Variants in WASF2 observed in about 807,000 individuals in gnomAD.
The protein encoded by WASF2 is actin-binding protein WASF2.
A neutral mutation model predicts 45.0 loss-of-function variants in WASF2; 14 were observed. The observed-to-expected ratio is 0.31, with a 90% CI of 0.21 to 0.49. WASF2 has a LOEUF of 0.49. Ranked by LOEUF, WASF2 falls within the 20% of genes least tolerant of loss-of-function variation. The probability of loss-of-function intolerance (pLI) is 0.99; values close to 1 mark genes in which losing one functional copy is unlikely to be tolerated. For synonymous variants in WASF2, 200 were observed against 236.3 expected, an observed-to-expected ratio of 0.85 and a Z score of 1.41; for missense variants, 439 against 636.1, an observed-to-expected ratio of 0.69 and a Z score of 3.33.
rs774498937 is a variant in WASF2 at position 27,410,152 on chromosome 1, A to G, written c.879T>C (p.Ser293=). Residue 293 remains serine (S), a synonymous_variant, in exon 8 of 9, where the codon AGT becomes AGC. Coordinates refer to ENST00000618852, the MANE Select transcript of WASF2 (RefSeq NM_006990.5). The surrounding 1 kb of genome is among the most constrained non-coding windows in gnomAD (Gnocchi z 4.2). ...GTGGTGGATGGCTTGGGCTGACCAC[A>G]CTGGATCTTTTGGGTCCAGCCAAAC... ...GSGLAGPKRS[S]VVSPSHPPPA... 1 of 1,614,062 alleles carries G rather than the reference A, an allele frequency of 6.2e-7. No individual in the cohort carries two copies. The highest frequency in any genetic ancestry group is 1.1e-5 in the South Asian group (1 of 91,064).
At chr1:27,422,496 G>A (rs543539209) in intron 2 of WASF2, among the ~76,000 whole-genome samples, 14 of 151,912 alleles carry the variant, frequency 9.2e-5, no homozygotes, top group African/African-American at 2.4e-4. Flanking sequence ...GTGGGCGCCT[G>A]TAGTCCCAGC....
intron 1 of WASF2, among the ~76,000 whole-genome samples, chr1:27,489,734 G>C (rs1284574525): frequency 6.6e-6 from 1 of 152,202 alleles, no homozygotes; most frequent in East Asian, 1.9e-4. Flanking sequence ...GGTCAGGCCG[G>C]GACACTCATA....
At chr1:27,434,830 C>T (rs1435477327) in intron 1 of WASF2, among the ~76,000 whole-genome samples, 1 of 152,164 alleles carries the variant, frequency 6.6e-6, no homozygotes, top group African/African-American at 2.4e-5. Flanking sequence ...CCTGGCAGTA[C>T]CAGTCTGGAC....
Position 27,445,894 on chromosome 1 carries a change from A to C in WASF2, c.-43-16961T>G, listed in dbSNP as rs189433047. On this transcript the variant is annotated intron_variant, in intron 1 of 8. Coordinates refer to ENST00000618852, the MANE Select transcript of WASF2 (RefSeq NM_006990.5). ...TTCCATCTTCTTTTACAATGAACTA[A>C]AACACTCCTATGGGTAATTCTTAAT... 7.9e-5 allele frequency among the ~76,000 whole-genome samples: 12 copies of C among 151,926 alleles called. No individual in the cohort carries two copies. The East Asian group carries it at 2.1e-3, about 27-fold the overall frequency.
intron 1 of WASF2, among the ~76,000 whole-genome samples, chr1:27,478,055 C>G (rs2148142655): frequency 6.6e-6 from 1 of 150,424 alleles, no homozygotes; most frequent in South Asian, 2.1e-4. Context: ...AGTTCAAGAC[C>G]AACCTGACCA....
chr1:27,468,839 G>C (rs898600260), intron 1 of WASF2, among the ~76,000 whole-genome samples: 5 of 149,972 alleles, frequency 3.3e-5, no homozygotes, highest in African/African-American at 1.2e-4. Context: ...AATTAGCTGG[G>C]TGCCGTGGTG....
chr1:27,438,002 A>C (rs1260006771), intron 1 of WASF2, among the ~76,000 whole-genome samples: 2 of 152,240 alleles, frequency 1.3e-5, no homozygotes, highest in Non-Finnish European at 2.9e-5. Flanking sequence ...CTTCATATTT[A>C]AACGATTCTT....
chr1:27,421,496 G>A (rs1200422577), intron 2 of WASF2, among the ~76,000 whole-genome samples: 2 of 151,996 alleles, frequency 1.3e-5, no homozygotes, highest in Non-Finnish European at 2.9e-5. Flanking sequence ...TGGGCAATAT[G>A]GCAAAACCCT....
intron 7 of WASF2, among the ~76,000 whole-genome samples, chr1:27,412,350 G>A (rs1046606821): frequency 1.3e-5 from 2 of 152,200 alleles, no homozygotes; most frequent in Admixed American, 1.3e-4. Context: ...GGGACCACAG[G>A]CGTTTGCCAC....
chr1:27,458,308 TAAAAAAA>T (rs71010355), intron 1 of WASF2, among the ~76,000 whole-genome samples: 1 of 29,406 alleles, frequency 3.4e-5, no homozygotes, highest in Non-Finnish European at 6.2e-5. Context: ...GCGAGATTCT[TAAAAAAA>T]AAAAAAAAAA....
intron 1 of WASF2, among the ~76,000 whole-genome samples, chr1:27,482,933 C>T (rs2017872227): frequency 6.6e-6 from 1 of 152,172 alleles, no homozygotes; most frequent in East Asian, 1.9e-4. Flanking sequence ...TTCTGGTTAT[C>T]ACAACTGGGG....
chr1:27,418,493 GGAGAGGCCT>G (rs1162808991), intron 3 of WASF2, 71 bp from the exon 4 acceptor site: 1 of 1,595,926 alleles, frequency 6.3e-7, no homozygotes, highest in African/African-American at 1.3e-5. Flanking sequence ...CACACCAGTC[GGAGAGGCCT>G]CAGCTGCTGC....
intron 6 of WASF2, among the ~76,000 whole-genome samples, chr1:27,413,226 G>C (rs2016788215): frequency 6.6e-6 from 1 of 152,162 alleles, no homozygotes. Context: ...GATGAATGCA[G>C]GGTGCTATGT....
chr1:27,463,810 T>A (rs908268624), intron 1 of WASF2, among the ~76,000 whole-genome samples: 20 of 149,986 alleles, frequency 1.3e-4, no homozygotes, highest in African/African-American at 4.6e-4. Flanking sequence ...TATTATTTTT[T>A]TTTTTTTTTG....
At chr1:27,432,006 T>C (rs1484706434) in intron 1 of WASF2, among the ~76,000 whole-genome samples, 1 of 152,250 alleles carries the variant, frequency 6.6e-6, no homozygotes, top group Non-Finnish European at 1.5e-5. Context: ...ACAAAATTCC[T>C]TGTATGTGAA....
In WASF2 at chr1:27,419,052, G is replaced by C. The variant is rs763354049; in HGVS notation, c.167C>G (p.Thr56Ser). ...CCGAGAGGCAAAGGTATTTGCCTGA[G>C]TAAAGAGCTCTCCAAAAATGTCCTC... Reference protein sequence around the residue: ...YAEDIFGELFTQANTFASRVS... With the variant: ...YAEDIFGELFSQANTFASRVS... Residue 56 changes from threonine (T) to serine (S), a missense_variant, in exon 3 of 9, where the codon ACT (threonine) becomes AGT (serine). This residue lies in a region of WASF2 where 98 missense variants were observed against 120.7 expected (regional missense o/e 0.81). Coordinates refer to ENST00000618852, the MANE Select transcript of WASF2 (RefSeq NM_006990.5). The C allele has an allele frequency of 1.9e-6, 3 of 1,614,074 alleles. No individual in the cohort carries two copies. The highest frequency in any genetic ancestry group is 2.2e-5 in the South Asian group (2 of 91,080).
At chr1:27,465,561 CA>C (rs1335574759) in intron 1 of WASF2, among the ~76,000 whole-genome samples, 2 of 152,094 alleles carry the variant, frequency 1.3e-5, no homozygotes, top group Non-Finnish European at 2.9e-5. Context: ...CATGATGACC[CA>C]CAAAACCTAT....
At chr1:27,482,294 C>G (rs1420833855) in intron 1 of WASF2, among the ~76,000 whole-genome samples, 6 of 152,192 alleles carry the variant, frequency 3.9e-5, no homozygotes, top group Non-Finnish European at 7.3e-5. Flanking sequence ...AGGACCACTG[C>G]CTTGACCAAT....
At chr1:27,454,179 ATATATATATTTTTTTTTT>A (rs1477252881) in intron 1 of WASF2, among the ~76,000 whole-genome samples, 3 of 10,292 alleles carry the variant, frequency 2.9e-4, no homozygotes, top group Non-Finnish European at 2.4e-4. Flanking sequence ...ATATATATAT[ATATATATATTTTTTTTTT>A]TTTTTTTTTT....
Sources: allele counts gnomAD v4.1 joint callset (sites outside exome capture counted in the v4.1 genomes callset), GRCh38; gene constraint gnomAD v4.1.1; regional missense constraint gnomAD v4.1.1; non-coding constraint Gnocchi (gnomAD v3.1); transcripts MANE v1.5; gene names NCBI Gene and HGNC (gene_info 2026-07-23, HGNC 2026-07-21).